The following HS3ST5 variants were observed in gnomAD, a reference collection of about 807,000 sequenced individuals.
HS3ST5 encodes the protein heparan sulfate glucosamine 3-O-sulfotransferase 5.
HS3ST5 carries 10 observed loss-of-function variants against 25.4 expected under a neutral mutation model. That is an observed-to-expected ratio of 0.39 (90% CI 0.24 to 0.67). The LOEUF (loss-of-function observed/expected upper bound fraction) is 0.67. Among genes scored for constraint, HS3ST5 ranks in the 30% least tolerant of loss-of-function variants. The pLI is 0.44. For synonymous variants in HS3ST5, 170 were observed against 162.4 expected, an observed-to-expected ratio of 1.05 and a Z score of -0.36; for missense variants, 324 against 420.7, an observed-to-expected ratio of 0.77 and a Z score of 2.01.
At chr6:114,233,294 T>G (rs1771695066) in intron 1 of HS3ST5, among the ~76,000 whole-genome samples, 1 of 152,204 alleles carries the variant, frequency 6.6e-6, no homozygotes, top group Non-Finnish European at 1.5e-5. Context: ...TAGAATGCCA[T>G]GCAAATAGTA....
chr6:114,307,913 A>G (rs1775365657), intron 1 of HS3ST5, among the ~76,000 whole-genome samples: 1 of 152,106 alleles, frequency 6.6e-6, no homozygotes, highest in South Asian at 2.1e-4. Flanking sequence ...AATTTATAAG[A>G]TAATTACTCA....
intron 4 of HS3ST5, chr6:114,059,207 G>A (rs1772950372): frequency 6.6e-6 from 1 of 152,166 alleles, no homozygotes; most frequent in South Asian, 2.1e-4. Context: ...TTCCTTTTAG[G>A]TATAGTCTGA....
At chr6:114,259,548 C>T (rs546990988) in intron 1 of HS3ST5, among the ~76,000 whole-genome samples, 8 of 152,312 alleles carry the variant, frequency 5.3e-5, no homozygotes, top group Admixed American at 3.3e-4. Context: ...CGAGAGGACA[C>T]GTGTACCCCA....
chr6:114,285,297 G>C (rs1416762823), intron 1 of HS3ST5, among the ~76,000 whole-genome samples: 1 of 152,030 alleles, frequency 6.6e-6, no homozygotes, highest in Non-Finnish European at 1.5e-5. Flanking sequence ...TTGGAGGATG[G>C]AGGGTGGGAG....
chr6:114,263,963 A>G (rs1400611498), intron 1 of HS3ST5, among the ~76,000 whole-genome samples: 2 of 152,172 alleles, frequency 1.3e-5, no homozygotes, highest in African/African-American at 4.8e-5. Context: ...CATAAAGAAC[A>G]TAAAGAGTCC....
At chr6:114,191,092 A>G (rs1248295872) in intron 2 of HS3ST5, among the ~76,000 whole-genome samples, 3 of 152,186 alleles carry the variant, frequency 2.0e-5, no homozygotes, top group African/African-American at 7.2e-5. Context: ...ATGGTGGTCT[A>G]ATAATATTAA....
chr6:114,170,075 G>A (rs1158163774), intron 2 of HS3ST5, among the ~76,000 whole-genome samples: 1 of 151,976 alleles, frequency 6.6e-6, no homozygotes, highest in Non-Finnish European at 1.5e-5. Context: ...TAAAGTAGAA[G>A]GTAAGAGCTA....
intron 3 of HS3ST5, among the ~76,000 whole-genome samples, chr6:114,086,491 G>C (rs1011178750): frequency 2.6e-5 from 4 of 152,152 alleles, no homozygotes; most frequent in African/African-American, 9.6e-5. Context: ...GAATGAACTT[G>C]GAAGCAGATT....
chr6:114,335,605 C>T (rs1169405657), intron 1 of HS3ST5, among the ~76,000 whole-genome samples: 1 of 151,980 alleles, frequency 6.6e-6, no homozygotes, highest in African/African-American at 2.4e-5. Flanking sequence ...TAAAGCGAGG[C>T]CTTGCAAATA....
At chr6:114,216,348 T>C (rs1029549672) in intron 2 of HS3ST5, among the ~76,000 whole-genome samples, 3 of 152,232 alleles carry the variant, frequency 2.0e-5, no homozygotes, top group Non-Finnish European at 4.4e-5. Context: ...AAAACCAGCA[T>C]ATCATAAATG....
At chr6:114,079,322 A>T (rs1774321025) in intron 3 of HS3ST5, among the ~76,000 whole-genome samples, 1 of 152,226 alleles carries the variant, frequency 6.6e-6, no homozygotes, top group Non-Finnish European at 1.5e-5. Flanking sequence ...TCTCTACTTT[A>T]TCAATGAAGT....
intron 1 of HS3ST5, among the ~76,000 whole-genome samples, chr6:114,275,402 A>T (rs915151511): frequency 1.1e-4 from 17 of 152,198 alleles, no homozygotes; most frequent in African/African-American, 4.1e-4. Context: ...ACTAAACTTT[A>T]CATTAACACC....
At chr6:114,165,045 C>T (rs566552826) in intron 3 of HS3ST5, among the ~76,000 whole-genome samples, 6 of 152,062 alleles carry the variant, frequency 3.9e-5, no homozygotes, top group East Asian at 1.9e-4. Flanking sequence ...ATTGAGGTTC[C>T]TGGGGTGTTT....
At chr6:114,062,916 G>C (rs1021118100) in intron 3 of HS3ST5, 39 bp from the exon 4 acceptor site, 1 of 1,235,012 alleles carries the variant, frequency 8.1e-7, no homozygotes, top group African/African-American at 1.5e-5. Flanking sequence ...TCTCTTAGAG[G>C]CTCTGTTGGT....
Position 114,058,099 on chromosome 6 carries a change from G to A in HS3ST5, c.199C>T (p.Leu67=). The A allele has an allele frequency of 3.1e-6, 5 of 1,614,194 alleles. No homozygotes were observed. The South Asian group carries it at 4.4e-5, about 14-fold the overall frequency. The stretch of plus-strand genomic sequence containing the variant: ...TTGCCCTTCCGGAACTCGTGCAGCA[G>A]GCCACGCTTAAACTGCAGGGCGCGA... ...PLRALQFKRG[L]LHEFRKGNAS... Residue 67 remains leucine, a synonymous_variant, in exon 5 of 5, where the codon CTG becomes TTG. Coordinates refer to ENST00000312719, the MANE Select transcript of HS3ST5 (RefSeq NM_153612.4).
At chr6:114,131,896 G>T (rs542961649) in intron 3 of HS3ST5, among the ~76,000 whole-genome samples, 1 of 152,302 alleles carries the variant, frequency 6.6e-6, no homozygotes, top group East Asian at 1.9e-4. Flanking sequence ...GGTGCCAAGG[G>T]AGTGATTGTG....
chr6:114,099,401 A>C (rs947477311), intron 3 of HS3ST5, among the ~76,000 whole-genome samples: 2 of 152,178 alleles, frequency 1.3e-5, no homozygotes, highest in African/African-American at 2.4e-5. Flanking sequence ...CAGAACTTTC[A>C]GTATAAAATT....
intron 2 of HS3ST5, among the ~76,000 whole-genome samples, chr6:114,191,528 G>A (rs139691074): frequency 1.9e-3 from 291 of 152,278 alleles, no homozygotes; most frequent in South Asian, 8.1e-3. Context: ...GCAGTGGTGA[G>A]GCAGGTAATT....
intron 3 of HS3ST5, among the ~76,000 whole-genome samples, chr6:114,107,675 G>A (rs1314621763): frequency 6.6e-6 from 1 of 152,196 alleles, no homozygotes; most frequent in Non-Finnish European, 1.5e-5. Flanking sequence ...CAGAATACAA[G>A]TTGAGCATAT....
Sources: allele counts gnomAD v4.1 joint callset (sites outside exome capture counted in the v4.1 genomes callset), GRCh38; gene constraint gnomAD v4.1.1; transcripts MANE v1.5; gene names NCBI Gene and HGNC (gene_info 2026-07-23, HGNC 2026-07-21).